KIAA1217: variants seen among roughly 807,000 people sequenced by gnomAD.
KIAA1217 encodes the protein sickle tail protein homolog.
A neutral mutation model predicts 163.9 loss-of-function variants in KIAA1217; 88 were observed. The observed-to-expected ratio is 0.54, with a 90% confidence interval of 0.45 to 0.64. The LOEUF is 0.64. KIAA1217 is among the 30% of genes least tolerant of loss of function. KIAA1217 has a pLI of 0.00. For synonymous variants in KIAA1217, 903 were observed against 923.1 expected (o/e 0.98, Z 0.39); for missense variants, 2,372 against 2,475.0 (o/e 0.96, Z 0.88).
intron 9 of KIAA1217, among the ~76,000 whole-genome samples, chr10:24,504,008 A>C (rs72776795): frequency 9.2e-4 from 140 of 152,320 alleles, no homozygotes; most frequent in Non-Finnish European, 1.6e-3. Flanking sequence ...CACAGGCGTT[A>C]GAGGTGAATT....
At chr10:23,915,978 T>A (rs529463402) in intron 1 of KIAA1217, among the ~76,000 whole-genome samples, 2,643 of 152,240 alleles carry the variant, frequency 0.017, 44 homozygotes, top group Admixed American at 0.052. Context: ...AGGGAAAGAA[T>A]ACCTAGGGCA....
chr10:24,133,734 G>A, intron 2 of KIAA1217, among the ~76,000 whole-genome samples: 1 of 152,134 alleles, frequency 6.6e-6, no homozygotes. Context: ...ACACCCATTT[G>A]CCTGTGGGCA....
chr10:24,087,951 A>T (rs942286941), intron 2 of KIAA1217, among the ~76,000 whole-genome samples: 2 of 72,614 alleles, frequency 2.8e-5, no homozygotes, highest in African/African-American at 5.8e-5. Context: ...AAGTAAATAG[A>T]GCAGGGCATC....
intron 1 of KIAA1217, among the ~76,000 whole-genome samples, chr10:23,987,516 A>G (rs1190968629): frequency 6.6e-6 from 1 of 152,010 alleles, no homozygotes; most frequent in African/African-American, 2.4e-5. Flanking sequence ...ACTTATACAT[A>G]TTTATCATGT....
rs2075432866 is a variant in KIAA1217 at position 24,544,196 on chromosome 10, G to A, written c.4926G>A (p.Glu1642=). 1 of 1,614,088 alleles carries A rather than the reference G, an allele frequency of 6.2e-7. No homozygotes were observed. Among genetic ancestry groups the A allele is most frequent in the South Asian group, 1.1e-5 (1 of 91,076 alleles). ...DTPENTVRRQ[E]QPSIESTSPI... is the part of the protein sequence containing the mutation. ...CTGAAAACACAGTGAGGAGGCAAGA[G>A]CAGCCCAGCATCGAGAGTACATCTC... is the stretch of plus-strand genomic sequence containing the variant. Residue 1642 remains glutamate (E), a synonymous_variant, in exon 19 of 21, where the codon GAG becomes GAA. Transcript: ENST00000376454.
intron 3 of KIAA1217, among the ~76,000 whole-genome samples, chr10:24,424,049 C>A (rs978950042): frequency 6.6e-6 from 1 of 151,768 alleles, no homozygotes; most frequent in Non-Finnish European, 1.5e-5. Context: ...ACAGTGAAAT[C>A]CAAGAGTAAA....
chr10:24,144,616 G>A (rs1432165426), intron 2 of KIAA1217, among the ~76,000 whole-genome samples: 2 of 152,198 alleles, frequency 1.3e-5, no homozygotes, highest in Non-Finnish European at 2.9e-5. Flanking sequence ...GAAGCAGGAT[G>A]CGCAATCAGT....
chr10:24,117,229 G>A (rs1321756157), intron 2 of KIAA1217, among the ~76,000 whole-genome samples: 1 of 152,090 alleles, frequency 6.6e-6, no homozygotes, highest in Non-Finnish European at 1.5e-5. Context: ...TAGAGACAGG[G>A]TTTCCACATG....
At chr10:24,158,109 T>C (rs914644187) in intron 2 of KIAA1217, 5 of 754,838 alleles carry the variant, frequency 6.6e-6, no homozygotes, top group African/African-American at 5.1e-5. Context: ...GTTAGAAGTA[T>C]ATATGATGAC....
chr10:24,263,504 C>T (rs956066834), intron 2 of KIAA1217, among the ~76,000 whole-genome samples: 21 of 152,172 alleles, frequency 1.4e-4, no homozygotes, highest in Admixed American at 3.9e-4. Context: ...ACAGAAGGAA[C>T]ACTGGGTTCT....
chr10:24,337,590 T>TTTTTC (rs774132476), intron 2 of KIAA1217, among the ~76,000 whole-genome samples: 7,872 of 134,142 alleles, frequency 0.059, 405 homozygotes, highest in Middle Eastern at 0.083. Flanking sequence ...TTGTGTGGTT[T>TTTTTC]TTTTCTTTTC....
chr10:23,709,826 C>G lies in KIAA1217; in HGVS notation c.-321+14592C>G, dbSNP rs78007734. 6.8e-3 allele frequency among the ~76,000 whole-genome samples: 1,032 copies of G among 152,278 alleles called. 16 individuals are homozygous for G. Among genetic ancestry groups the G allele is most frequent in the African/African-American group, 0.023 (964 of 41,564 alleles). ...GAAGTAACTCACCCAAGGTCACAGG[C>G]AGTTGGGGCCCACAGTCTGAAAGCT... On this transcript the variant is annotated intron_variant, in intron 1 of 18. Coordinates refer to the KIAA1217 transcript ENST00000376462.
intron 9 of KIAA1217, among the ~76,000 whole-genome samples, chr10:24,511,998 A>G (rs2069248779): frequency 6.6e-6 from 1 of 152,180 alleles, no homozygotes; most frequent in Non-Finnish European, 1.5e-5. Context: ...TAGCTTGCCC[A>G]TGGACACACA....
At chr10:23,773,080 G>A (rs1246287344) in intron 1 of KIAA1217, among the ~76,000 whole-genome samples, 2 of 152,140 alleles carry the variant, frequency 1.3e-5, no homozygotes. Context: ...TCAATAATAA[G>A]AATGGACATT....
intron 1 of KIAA1217, among the ~76,000 whole-genome samples, chr10:23,896,744 G>A (rs905513548): frequency 2.6e-5 from 4 of 151,982 alleles, no homozygotes; most frequent in Admixed American, 1.3e-4. Flanking sequence ...TTGCAAAAAC[G>A]TCTTTAAACT....
chr10:24,377,457 T>C (rs1591438718), intron 2 of KIAA1217, among the ~76,000 whole-genome samples: 1 of 152,198 alleles, frequency 6.6e-6, no homozygotes, highest in African/African-American at 2.4e-5. Flanking sequence ...CTGTAGGCCA[T>C]GCATGACTGA....
intron 2 of KIAA1217, among the ~76,000 whole-genome samples, chr10:24,240,244 A>G (rs938083085): frequency 1.3e-5 from 2 of 152,208 alleles, no homozygotes; most frequent in African/African-American, 4.8e-5. Context: ...CACCAAGCTT[A>G]AAAAGAACAC....
At chr10:23,743,234 T>A (rs184484534) in intron 1 of KIAA1217, among the ~76,000 whole-genome samples, 35 of 142,208 alleles carry the variant, frequency 2.5e-4, no homozygotes, top group African/African-American at 9.2e-4. Context: ...AGGTGACAGA[T>A]GAACTTTGAA....
intron 1 of KIAA1217, among the ~76,000 whole-genome samples, chr10:23,989,964 T>C (rs1160931924): frequency 4.6e-5 from 7 of 152,204 alleles, no homozygotes; most frequent in East Asian, 1.9e-4. Flanking sequence ...AAGAAATGAA[T>C]GGCAAGTGCC....
Sources: allele counts gnomAD v4.1 joint callset (sites outside exome capture counted in the v4.1 genomes callset), GRCh38; gene constraint gnomAD v4.1.1; transcripts MANE v1.5; gene names NCBI Gene and HGNC (gene_info 2026-07-23, HGNC 2026-07-21).